Variants in HYCC2 observed in about 807,000 individuals in gnomAD.
HYCC2 encodes hyccin PI4KA lipid kinase complex subunit 2.
chr2:201,063,058 C>T, the HYCC2 span: 30 of 1,606,958 alleles, frequency 1.9e-5, no homozygotes, highest in East Asian at 4.0e-4. Flanking sequence ...GCCGAAGAAG[C>T]ATCGTTAAAG....
the HYCC2 span, among the ~76,000 whole-genome samples, chr2:201,053,735 C>T: frequency 9.0e-4 from 137 of 151,488 alleles, no homozygotes; most frequent in African/African-American, 3.2e-3. Context: ...GAGGCTGAGG[C>T]GGGTGGATCA....
At chr2:201,007,021 T>A in the HYCC2 span, among the ~76,000 whole-genome samples, 2 of 152,154 alleles carry the variant, frequency 1.3e-5, no homozygotes, top group African/African-American at 4.8e-5. Context: ...AAGGATGAAT[T>A]AGTTATTTCT....
the HYCC2 span, among the ~76,000 whole-genome samples, chr2:201,038,045 A>C: frequency 6.6e-6 from 1 of 152,200 alleles, no homozygotes; most frequent in Non-Finnish European, 1.5e-5. Context: ...CAAATTTACA[A>C]GAAAAAAACA....
chr2:201,002,979 C>T, the HYCC2 span, among the ~76,000 whole-genome samples: 1 of 152,136 alleles, frequency 6.6e-6, no homozygotes, highest in Non-Finnish European at 1.5e-5. Context: ...CAATAAGAGA[C>T]TGGCTAAAAA....
chr2:201,014,909 G>A, the HYCC2 span, among the ~76,000 whole-genome samples: 1 of 152,030 alleles, frequency 6.6e-6, no homozygotes, highest in African/African-American at 2.4e-5. Flanking sequence ...GAATAATAAT[G>A]TTTATGGTAC....
At chr2:201,049,512 G>GTTT in the HYCC2 span, among the ~76,000 whole-genome samples, 1 of 142,904 alleles carries the variant, frequency 7.0e-6, no homozygotes, top group Admixed American at 7.0e-5. Flanking sequence ...CACCACCCCG[G>GTTT]TTTTTTTTTT....
At chr2:201,022,254 TAC>T in the HYCC2 span, 1 of 408,224 alleles carries the variant, frequency 2.4e-6, no homozygotes, top group South Asian at 2.0e-5. Context: ...TAAATTAATA[TAC>T]AGATTCAATA....
At chr2:201,010,157 T>C in the HYCC2 span, among the ~76,000 whole-genome samples, 1 of 151,922 alleles carries the variant, frequency 6.6e-6, no homozygotes, top group Non-Finnish European at 1.5e-5. Context: ...TTTAATACTT[T>C]ACTACTCTCC....
chr2:200,981,523 C>T, the HYCC2 span: 3 of 1,614,176 alleles, frequency 1.9e-6, no homozygotes, highest in South Asian at 2.2e-5. This position sits in a 1 kb window ranked among gnomAD's most constrained non-coding sequence, Gnocchi z 4.5. Flanking sequence ...ACTGGCTGTC[C>T]GGATTAGACT....
the HYCC2 span, among the ~76,000 whole-genome samples, chr2:201,027,271 T>C: frequency 1.3e-5 from 2 of 152,018 alleles, no homozygotes; most frequent in Non-Finnish European, 1.5e-5. Flanking sequence ...CAGGAAGAAG[T>C]TGAATCTCTG....
the HYCC2 span, among the ~76,000 whole-genome samples, chr2:201,031,599 C>T: frequency 1.3e-5 from 2 of 152,090 alleles, no homozygotes; most frequent in Admixed American, 6.6e-5. Context: ...TGCGGTGAGC[C>T]GAGACAGCGC....
chr2:201,011,884 C>T, the HYCC2 span, among the ~76,000 whole-genome samples: 7 of 152,222 alleles, frequency 4.6e-5, no homozygotes, highest in East Asian at 7.7e-4. Context: ...TCCACACTTA[C>T]GAAAACAAGA....
At chr2:200,992,547 A>G in the HYCC2 span, among the ~76,000 whole-genome samples, 1 of 152,258 alleles carries the variant, frequency 6.6e-6, no homozygotes, top group African/African-American at 2.4e-5. Flanking sequence ...GATTTTAAAT[A>G]TTATGTTTAC....
chr2:201,040,954 G>A, the HYCC2 span, among the ~76,000 whole-genome samples: 9 of 152,072 alleles, frequency 5.9e-5, no homozygotes, highest in Non-Finnish European at 1.0e-4. Flanking sequence ...ACAAACCCTG[G>A]AGCAAGGTTG....
chr2:201,007,705 G>A, the HYCC2 span, among the ~76,000 whole-genome samples: 1 of 152,148 alleles, frequency 6.6e-6, no homozygotes, highest in African/African-American at 2.4e-5. Flanking sequence ...GGTAGGAGTT[G>A]GCCATGCCAG....
At chr2:200,999,516 G>C in the HYCC2 span, among the ~76,000 whole-genome samples, 1 of 151,474 alleles carries the variant, frequency 6.6e-6, no homozygotes, top group Non-Finnish European at 1.5e-5. Context: ...CTCCCAAGTA[G>C]CTGGGATTAC....
the HYCC2 span, among the ~76,000 whole-genome samples, chr2:200,994,427 G>C: frequency 6.6e-6 from 1 of 152,144 alleles, no homozygotes; most frequent in South Asian, 2.1e-4. Flanking sequence ...AGTAGAGATG[G>C]GGTTTCACTA....
At chr2:200,999,454 C>G in the HYCC2 span, among the ~76,000 whole-genome samples, 7 of 151,528 alleles carry the variant, frequency 4.6e-5, no homozygotes, top group African/African-American at 1.7e-4. Context: ...GGCATGATCT[C>G]GGCTCACTGC....
chr2:201,045,108 C>T, the HYCC2 span, among the ~76,000 whole-genome samples: 2 of 152,108 alleles, frequency 1.3e-5, no homozygotes, highest in Admixed American at 1.3e-4. Context: ...TTTCCTAAGG[C>T]AAAGCCCAGA....
Sources: gnomAD v4.1 joint callset for allele counts (sites outside exome capture counted in the v4.1 genomes callset) on GRCh38, gnomAD v4.1.1 for gene constraint, Gnocchi (gnomAD v3.1) non-coding constraint, MANE v1.5 for transcripts, NCBI Gene and HGNC (gene_info 2026-07-23, HGNC 2026-07-21) for gene names.